Variants in RBFOX1 observed in about 807,000 individuals in gnomAD.
The protein encoded by RBFOX1 is RNA binding fox-1 homolog 1.
In RBFOX1, 8 loss-of-function variants were observed where a neutral mutation model predicts 57.7. The ratio of observed to expected loss-of-function variants is 0.14; its 90% CI spans 0.08 to 0.25. The LOEUF is 0.25. Among genes scored for constraint, RBFOX1 ranks in the 10% least tolerant of loss-of-function variants. RBFOX1 has a pLI of 1.00. For synonymous variants in RBFOX1, 326 were observed against 222.4 expected, an observed-to-expected ratio of 1.47 and a Z score of -4.15; for missense variants, 611 against 548.5, an observed-to-expected ratio of 1.11 and a Z score of -1.14.
chr16:6,426,597 C>T (rs1284447713), intron 2 of RBFOX1, among the ~76,000 whole-genome samples: 1 of 152,092 alleles, frequency 6.6e-6, no homozygotes, highest in Non-Finnish European at 1.5e-5. Flanking sequence ...TCCCAGTGCA[C>T]TCCAGCCTGG....
chr16:7,661,319 C>A (rs565961026), intron 12 of RBFOX1, among the ~76,000 whole-genome samples: 1 of 152,144 alleles, frequency 6.6e-6, no homozygotes, highest in Non-Finnish European at 1.5e-5. Flanking sequence ...CATCTTTTTG[C>A]TGTGAAGCCA....
chr16:7,055,504 G>A (rs994701223), intron 4 of RBFOX1, among the ~76,000 whole-genome samples: 5 of 152,062 alleles, frequency 3.3e-5, no homozygotes, highest in South Asian at 4.2e-4. Context: ...CCCATATCAC[G>A]TTCTCACAGG....
rs539127215 is a variant in RBFOX1 at position 5,318,595 on chromosome 16, ACAAAAAAAC to A, written c.219+78491_219+78499del. Among the ~76,000 whole-genome samples, 8 of 152,244 alleles carry A rather than the reference ACAAAAAAAC, an allele frequency of 5.3e-5. No homozygotes were observed. In the East Asian group the frequency reaches 1.4e-3, roughly 26 times the overall value. ...GCATTGACTTATACCAAAAAAACAAACAAAAAAACAAAACAAAACACTTTATCATATGGA... is the reference window on the plus strand; with the variant it reads ...GCATTGACTTATACCAAAAAAACAAAAAAACAAAACACTTTATCATATGGA... On this transcript the variant is annotated intron_variant, in intron 1 of 2. Transcript: ENST00000585867.
intron 2 of RBFOX1, among the ~76,000 whole-genome samples, chr16:5,554,378 A>G (rs1434410311): frequency 1.3e-5 from 2 of 152,304 alleles, no homozygotes; most frequent in East Asian, 3.9e-4. Context: ...AATGCAAGTT[A>G]TATGTTTTAA....
chr16:6,396,804 AT>A (rs1156884475), intron 2 of RBFOX1, among the ~76,000 whole-genome samples: 2 of 152,240 alleles, frequency 1.3e-5, no homozygotes, highest in Admixed American at 6.5e-5. Flanking sequence ...CATAAAAAAA[AT>A]GTTGGAATTA....
chr16:7,212,673 A>G (rs572637040), intron 4 of RBFOX1, among the ~76,000 whole-genome samples: 2 of 152,162 alleles, frequency 1.3e-5, no homozygotes, highest in Non-Finnish European at 2.9e-5. Flanking sequence ...TGAGGAGTGT[A>G]GTTATTAGGA....
intron 3 of RBFOX1, among the ~76,000 whole-genome samples, chr16:5,629,706 T>C (rs1391946384): frequency 2.0e-5 from 3 of 152,220 alleles, no homozygotes; most frequent in African/African-American, 7.2e-5. Context: ...TCCTTTCAGC[T>C]TAAGGTTGTG....
chr16:6,582,233 A>G (rs1163343625), intron 2 of RBFOX1, among the ~76,000 whole-genome samples: 1 of 152,178 alleles, frequency 6.6e-6, no homozygotes, highest in South Asian at 2.1e-4. Context: ...AAGTGAATTA[A>G]CTCTTAATAG....
intron 3 of RBFOX1, among the ~76,000 whole-genome samples, chr16:5,856,575 G>GTGTGTGTGTGTGTATA (rs1192496608): frequency 4.9e-4 from 16 of 32,914 alleles, no homozygotes; most frequent in South Asian, 4.4e-3. Flanking sequence ...GTGTGTGTGT[G>GTGTGTGTGTGTGTATA]TATATATATA....
chr16:6,557,930 A>G (rs2097127736), intron 2 of RBFOX1, among the ~76,000 whole-genome samples: 1 of 152,166 alleles, frequency 6.6e-6, no homozygotes, highest in Admixed American at 6.5e-5. Flanking sequence ...TGCTTATGGC[A>G]TGCCCAACTC....
intron 4 of RBFOX1, among the ~76,000 whole-genome samples, chr16:7,064,186 T>G (rs12103019): frequency 7.6e-6 from 1 of 132,408 alleles, no homozygotes; most frequent in African/African-American, 3.0e-5. Flanking sequence ...TTTTTTTTTC[T>G]GAGGTGGAGT....
intron 3 of RBFOX1, among the ~76,000 whole-genome samples, chr16:5,733,289 C>T (rs1049478956): frequency 3.9e-5 from 6 of 152,172 alleles, no homozygotes; most frequent in Non-Finnish European, 5.9e-5. Flanking sequence ...CACTGACTTC[C>T]ACAAAGACCT....
intron 4 of RBFOX1, among the ~76,000 whole-genome samples, chr16:5,943,701 A>G (rs1193640835): frequency 6.6e-6 from 1 of 152,224 alleles, no homozygotes; most frequent in Non-Finnish European, 1.5e-5. Context: ...GGTTGATCTG[A>G]AGAGGCTGAA....
At chr16:6,231,828 C>G (rs1039949139) in intron 1 of RBFOX1, among the ~76,000 whole-genome samples, 7 of 104,726 alleles carry the variant, frequency 6.7e-5, no homozygotes, top group Non-Finnish European at 1.1e-4. Flanking sequence ...CTGTAGCTTT[C>G]CAGTTTTTTT....
chr16:7,067,263 T>C (rs1216394119), intron 4 of RBFOX1, among the ~76,000 whole-genome samples: 1 of 151,892 alleles, frequency 6.6e-6, no homozygotes, highest in Non-Finnish European at 1.5e-5. Flanking sequence ...GGTACTCATG[T>C]TGAAATCTGT....
intron 2 of RBFOX1, among the ~76,000 whole-genome samples, chr16:6,362,583 G>A (rs113565016): frequency 3.9e-4 from 60 of 152,238 alleles, no homozygotes; most frequent in African/African-American, 1.3e-3. Context: ...CTGTTACAAC[G>A]TGCAAATTAG....
chr16:6,554,201 A>C (rs1212738126), intron 2 of RBFOX1, among the ~76,000 whole-genome samples: 2 of 152,204 alleles, frequency 1.3e-5, no homozygotes, highest in African/African-American at 4.8e-5. Context: ...AAGAAATAAC[A>C]TCCCTTTATT....
At position 7,554,407 on chromosome 16, in the gene RBFOX1, A is replaced by C. The variant is rs972706693; in HGVS notation, c.271-25370A>C. On this transcript the variant is annotated intron_variant, in intron 5 of 15. Coordinates refer to ENST00000550418, the MANE Select transcript of RBFOX1 (RefSeq NM_018723.4). ...AGTCATTAGCAACCTGAGCACAGAGAGGTCAGTTAACATACTCAAGGTTGC... is the reference window on the plus strand; with the variant it reads ...AGTCATTAGCAACCTGAGCACAGAGCGGTCAGTTAACATACTCAAGGTTGC... Among the ~76,000 whole-genome samples, 11 of 152,208 alleles carry C rather than the reference A, an allele frequency of 7.2e-5. No individual in the cohort carries two copies. In the East Asian group the frequency reaches 1.7e-3, roughly 24 times the overall value.
rs187874208 is a variant in RBFOX1 at position 5,756,259 on chromosome 16, C to A, written c.319-111044C>A. On this transcript the variant is annotated intron_variant, in intron 3 of 19. Coordinates refer to the RBFOX1 transcript ENST00000641259. ...AAAAAAAAAAAAAAACCCTGCACCA[C>A]CTCCTGCAGTGTATGGACATATGAA... Among the ~76,000 whole-genome samples, 17 of 147,924 alleles carry A rather than the reference C, an allele frequency of 1.1e-4. No individual in the cohort carries two copies. In the East Asian group the frequency reaches 3.4e-3, roughly 30 times the overall value.
Sources: allele counts gnomAD v4.1 joint callset (sites outside exome capture counted in the v4.1 genomes callset), GRCh38; gene constraint gnomAD v4.1.1; transcripts MANE v1.5; gene names NCBI Gene and HGNC (gene_info 2026-07-23, HGNC 2026-07-21).